The following PDLIM3 variants were observed in gnomAD, a reference collection of about 807,000 sequenced individuals.
PDLIM3 encodes PDZ and LIM domain protein 3.
Under a neutral mutation model 37.3 loss-of-function variants are expected in PDLIM3, and 36 were observed. That is an observed-to-expected ratio of 0.97 (90% CI 0.74 to 1.28). The LOEUF is 1.28. Among genes scored for constraint, PDLIM3 ranks in the 50% most tolerant of loss-of-function variants. The pLI is 0.00. For synonymous variants in PDLIM3, 174 were observed against 182.4 expected (o/e 0.95, Z 0.37); for missense variants, 454 against 485.0 (o/e 0.94, Z 0.60).
chr4:185,505,575 T>C (rs2095695302), intron 6 of PDLIM3, among the ~76,000 whole-genome samples: 1 of 151,616 alleles, frequency 6.6e-6, no homozygotes, highest in African/African-American at 2.4e-5. Flanking sequence ...GAGCCAAGAT[T>C]GTGCCACTCA....
At position 185,514,013 on chromosome 4, in the gene PDLIM3, A is replaced by G; in HGVS notation, c.398+257T>C. On this transcript the variant is annotated intron_variant, in intron 4 of 7. Coordinates refer to ENST00000284767, the MANE Select transcript of PDLIM3 (RefSeq NM_014476.6). The surrounding 1 kb of genome is among the most constrained non-coding windows in gnomAD (Gnocchi z 4.0). ...TTCTGGATGGGATCCCCAGAGCCTCAGGGGTGTTCGCTATAAATACACGTG... is the reference window on the plus strand; with the variant it reads ...TTCTGGATGGGATCCCCAGAGCCTCGGGGGTGTTCGCTATAAATACACGTG... 7.4e-7 allele frequency: 1 copy of G among 1,346,918 alleles called. No homozygotes were observed. The highest frequency in any genetic ancestry group is 9.6e-7 in the Non-Finnish European group (1 of 1,044,032). The allele number at this position is 1,346,918 out of a possible 1,614,324, so 83.4% of individuals were successfully genotyped here.
At chr4:185,528,835 C>A (rs2095738827) in intron 1 of PDLIM3, among the ~76,000 whole-genome samples, 1 of 152,218 alleles carries the variant, frequency 6.6e-6, no homozygotes, top group African/African-American at 2.4e-5. Flanking sequence ...GTTCAGCGAG[C>A]CCAGTGATCA....
At chr4:185,506,933 G>A in intron 5 of PDLIM3, 1 of 373,574 alleles carries the variant, frequency 2.7e-6, no homozygotes, top group African/African-American at 2.0e-5. Flanking sequence ...TCAGGAAATA[G>A]TAATTAAGAA....
intron 7 of PDLIM3, among the ~76,000 whole-genome samples, chr4:185,503,379 G>A (rs2095690778): frequency 1.3e-5 from 2 of 152,220 alleles, no homozygotes; most frequent in Admixed American, 6.5e-5. Context: ...GTCAGGCACT[G>A]TTGTATTTTA....
chr4:185,512,816 A>C (rs2095708712), intron 4 of PDLIM3: 3 of 611,454 alleles, frequency 4.9e-6, no homozygotes, highest in Non-Finnish European at 6.1e-6. Context: ...CTTTAAATCC[A>C]GTGTTTTGTT....
At chr4:185,517,678 G>GT (rs2095717010) in intron 3 of PDLIM3, 1 of 150,556 alleles carries the variant, frequency 6.6e-6, no homozygotes, top group Admixed American at 6.6e-5. Context: ...TGTGTAATTT[G>GT]TTAAAAAAAA....
intron 3 of PDLIM3, chr4:185,515,806 G>A (rs1326975187): frequency 2.0e-5 from 3 of 151,976 alleles, no homozygotes; most frequent in African/African-American, 4.8e-5. Context: ...ATTTTGTAAA[G>A]CCTTTAAAAC....
At chr4:185,533,049 G>A (rs1416678332) in intron 1 of PDLIM3, among the ~76,000 whole-genome samples, 1 of 152,148 alleles carries the variant, frequency 6.6e-6, no homozygotes, top group Non-Finnish European at 1.5e-5. Context: ...CACTGCTTGT[G>A]ATCATCGGCG....
chr4:185,533,346 C>G (rs919880472), intron 1 of PDLIM3, among the ~76,000 whole-genome samples: 1 of 152,092 alleles, frequency 6.6e-6, no homozygotes, highest in Non-Finnish European at 1.5e-5. Context: ...TTTTCCTTAA[C>G]AAATTTCAAT....
Position 185,514,232 on chromosome 4 carries a change from G to C in PDLIM3, c.398+38C>G. ...TGATTAGTAAGAACTGATTTAAGAA[G>C]CATGCACTGCAAACTCCACAGTCTC... On this transcript the variant is annotated intron_variant, in intron 4 of 7. Coordinates refer to ENST00000284767, the MANE Select transcript of PDLIM3 (RefSeq NM_014476.6). This position sits in a 1 kb window ranked among gnomAD's most constrained non-coding sequence, Gnocchi z 4.0. 3 of 1,614,180 alleles carry C rather than the reference G, an allele frequency of 1.9e-6. No homozygotes were observed. The highest frequency in any genetic ancestry group is 2.7e-5 in the African/African-American group (2 of 75,058).
intron 3 of PDLIM3, among the ~76,000 whole-genome samples, chr4:185,519,962 T>C (rs1024281265): frequency 6.6e-6 from 1 of 152,248 alleles, no homozygotes. Context: ...AGAAGATTGC[T>C]GTATTTGCAG....
At chr4:185,516,085 G>T (rs187493636) in intron 3 of PDLIM3, 2 of 150,484 alleles carry the variant, frequency 1.3e-5, no homozygotes, top group Admixed American at 1.3e-4. Context: ...ATTTTTAGTA[G>T]AGACAGGGTT....
At position 185,508,193 on chromosome 4, in the gene PDLIM3, T is replaced by C. The variant is rs147403163; in HGVS notation, c.662+106A>G. ...ATCCTTAGTATTTTAAAAAAGCTTT[T>C]CACATAGCTTTCTTTCCATTAAGAC... is the stretch of plus-strand genomic sequence containing the variant. On this transcript the variant is annotated intron_variant, in intron 5 of 7. Coordinates refer to ENST00000284767, the MANE Select transcript of PDLIM3 (RefSeq NM_014476.6). 3.6e-3 allele frequency: 4,073 copies of C among 1,131,156 alleles called. 111 individuals are homozygous for C. The African/African-American group carries it at 0.054, about 15-fold the overall frequency. 70.1% of individuals were successfully genotyped at this position (1,131,156 alleles called of 1,614,324 possible). A position where few individuals can be genotyped will look rare whatever the true frequency, so the allele number is the denominator to read the frequency against.
At chr4:185,509,767 C>G (rs1241569572) in intron 4 of PDLIM3, among the ~76,000 whole-genome samples, 1 of 152,086 alleles carries the variant, frequency 6.6e-6, no homozygotes, top group African/African-American at 2.4e-5. Context: ...AAGTATGGCC[C>G]CATATCTGCA....
In PDLIM3 at chr4:185,514,664, G is replaced by A; in HGVS notation, c.331-327C>T. ...AAAGAAAAGAAACCATGCTATCACT[G>A]TTAGGTACACTGTGGCCAGAACAGA... is the stretch of plus-strand genomic sequence containing the variant. On this transcript the variant is annotated intron_variant, in intron 3 of 7. Transcript: ENST00000284767. This position sits in a 1 kb window ranked among gnomAD's most constrained non-coding sequence, Gnocchi z 4.0. The A allele has an allele frequency of 3.9e-6, 6 of 1,523,268 alleles. No individual in the cohort carries two copies. The highest frequency in any genetic ancestry group is 5.3e-6 in the Non-Finnish European group (6 of 1,127,610). The allele number at this position is 1,523,268 out of a possible 1,614,324, so 94.4% of individuals were successfully genotyped here. A position where few individuals can be genotyped will look rare whatever the true frequency, so the allele number is the denominator to read the frequency against.
chr4:185,522,480 G>T (rs1344043676), intron 3 of PDLIM3, among the ~76,000 whole-genome samples: 3 of 66,664 alleles, frequency 4.5e-5, no homozygotes, highest in African/African-American at 8.2e-5. Flanking sequence ...TGATTTTCTT[G>T]AAAGGGGAAA....
intron 4 of PDLIM3, among the ~76,000 whole-genome samples, chr4:185,510,383 C>A (rs187979919): frequency 2.6e-5 from 4 of 152,218 alleles, no homozygotes; most frequent in Admixed American, 2.6e-4. Context: ...TTACTTATGC[C>A]ATGTTTTATA....
At chr4:185,505,332 C>A (rs1031937180) in intron 6 of PDLIM3, among the ~76,000 whole-genome samples, 3 of 152,198 alleles carry the variant, frequency 2.0e-5, no homozygotes, top group Admixed American at 6.5e-5. Flanking sequence ...AAGATAAATG[C>A]TGGCATACAG....
chr4:185,523,064 A>T (rs1457855846), intron 3 of PDLIM3: 1 of 326,244 alleles, frequency 3.1e-6, no homozygotes, highest in Admixed American at 4.7e-5. Flanking sequence ...CCTCACGGTC[A>T]TTTCACAGAA....
Sources: allele counts gnomAD v4.1 joint callset (sites outside exome capture counted in the v4.1 genomes callset), GRCh38; gene constraint gnomAD v4.1.1; non-coding constraint Gnocchi (gnomAD v3.1); transcripts MANE v1.5; gene names NCBI Gene and HGNC (gene_info 2026-07-23, HGNC 2026-07-21).